TECTA: variants seen among roughly 807,000 people sequenced by gnomAD.
The protein encoded by TECTA is tectorin alpha, also known as alpha-tectorin.
TECTA carries 128 observed loss-of-function variants against 216.8 expected under a neutral mutation model. The ratio of observed to expected loss-of-function variants is 0.59; its 90% confidence interval spans 0.51 to 0.68. The LOEUF is 0.68. Ranked by LOEUF, TECTA falls within the 30% of genes least tolerant of loss-of-function variation. TECTA has a pLI of 0.00. For missense variants in TECTA, 2,551 were observed against 2,786.2 expected, an observed-to-expected ratio of 0.92 and a Z score of 1.90; for synonymous variants, 1,089 against 1,117.1, an observed-to-expected ratio of 0.97 and a Z score of 0.50.
rs189257492 is a variant in TECTA at position 121,142,221 on chromosome 11, T to C, written c.3544-3334T>C. On this transcript the variant is annotated intron_variant, in intron 11 of 23. Coordinates refer to ENST00000392793, the MANE Select transcript of TECTA (RefSeq NM_005422.4). The stretch of plus-strand genomic sequence containing the variant: ...AATATGTGGTCTTATTTCCAATACT[T>C]AAATATTTGAAATACACTTTCCCCC... 7.2e-5 allele frequency among the ~76,000 whole-genome samples: 11 copies of C among 152,286 alleles called. No homozygotes were observed. The East Asian group carries it at 2.1e-3, about 29-fold the overall frequency.
chr11:121,127,629 C>T lies in TECTA; in HGVS notation c.1775-123C>T, dbSNP rs529337686. On this transcript the variant is annotated intron_variant, in intron 8 of 23. Coordinates refer to ENST00000392793, the MANE Select transcript of TECTA (RefSeq NM_005422.4). This position sits in a 1 kb window ranked among gnomAD's most constrained non-coding sequence, Gnocchi z 5.0. ...GATACAACCTCAATTCTGTCTTCCC[C>T]GAGTGGCCGCTTGACCCTCACTCTA... 20 of 1,107,232 alleles carry T rather than the reference C, an allele frequency of 1.8e-5. No individual in the cohort carries two copies. Among genetic ancestry groups the T allele is most frequent in the East Asian group, 4.8e-5 (2 of 42,086 alleles). 68.6% of individuals were successfully genotyped at this position (1,107,232 alleles called of 1,614,324 possible).
intron 23 of TECTA, among the ~76,000 whole-genome samples, chr11:121,190,412 A>T (rs2134218338): frequency 6.6e-6 from 1 of 152,198 alleles, no homozygotes; most frequent in African/African-American, 2.4e-5. Context: ...CTACAGGCAC[A>T]CGCCACCACG....
intron 20 of TECTA, among the ~76,000 whole-genome samples, chr11:121,171,823 A>G (rs962536123): frequency 1.3e-5 from 2 of 152,202 alleles, no homozygotes; most frequent in South Asian, 4.1e-4. Flanking sequence ...TTGAATCTTT[A>G]GGTTTTTCTG....
Position 121,188,108 on chromosome 11 carries a change from G to A in TECTA, c.6162+114G>A. ...GACTGGAATCATCCATAGATGCTTGGGGTGGACAGTCATCTTTGATGGGAC... is the reference window on the plus strand; with the variant it reads ...GACTGGAATCATCCATAGATGCTTGAGGTGGACAGTCATCTTTGATGGGAC... On this transcript the variant is annotated intron_variant, in intron 21 of 23. Coordinates refer to ENST00000392793, the MANE Select transcript of TECTA (RefSeq NM_005422.4). 7 of 1,116,450 alleles carry A rather than the reference G, an allele frequency of 6.3e-6. No homozygotes were observed. The South Asian group carries it at 8.2e-5, about 13-fold the overall frequency. 69.2% of individuals were successfully genotyped at this position (1,116,450 alleles called of 1,614,324 possible). A position where few individuals can be genotyped will look rare whatever the true frequency, so the allele number is the denominator to read the frequency against.
In TECTA at chr11:121,118,585, G is replaced by T. The variant is rs771372991; in HGVS notation, c.1070G>T (p.Ser357Ile). The T allele has an allele frequency of 2.5e-6, 4 of 1,614,026 alleles. No individual in the cohort carries two copies. Among genetic ancestry groups the T allele is most frequent in the African/African-American group, 1.3e-5 (1 of 74,896 alleles). ...LLARQCLQTSSLPFFSVEAKN... is the reference protein window; with the variant it reads ...LLARQCLQTSILPFFSVEAKN... ...GCCCGACAGTGTTTGCAGACTTCCA[G>T]CCTCCCTTTCTTCAGTGTGGAGGCC... The change falls in exon 7 of 24, where the codon AGC becomes ATC. Residue 357 changes from serine to isoleucine, a missense_variant. Physicochemically the swap from Ser to Ile is moderately radical, Grantham distance 142. This residue lies in a region of TECTA where 2,375 missense variants were observed against 2,563.9 expected (regional missense o/e 0.93). Coordinates refer to ENST00000392793, the MANE Select transcript of TECTA (RefSeq NM_005422.4).
At chr11:121,184,437 T>A (rs1947261122) in intron 20 of TECTA, among the ~76,000 whole-genome samples, 1 of 152,168 alleles carries the variant, frequency 6.6e-6, no homozygotes, top group African/African-American at 2.4e-5. Flanking sequence ...TGCTTATCCT[T>A]CATTTGGTGG....
In TECTA at chr11:121,109,300, C is replaced by T. The variant is rs750330420; in HGVS notation, c.288C>T (p.Val96=). 1.3e-5 allele frequency: 21 copies of T among 1,614,170 alleles called. No homozygotes were observed. Among genetic ancestry groups the T allele is most frequent in the East Asian group, 1.1e-4 (5 of 44,884 alleles). The change falls in exon 4 of 24, where the codon GTC becomes GTT. Residue 96 remains valine, a synonymous_variant. Transcript: ENST00000392793. ...SFPLTDGRAF[V]APFWADVHNG... ...CCCTGACAGATGGGAGAGCCTTCGT[C>T]GCCCCATTTTGGGCAGATGTGCACA...
intron 23 of TECTA, 41 bp downstream of exon 23, chr11:121,189,921 C>T (rs541020464): frequency 2.8e-5 from 43 of 1,543,994 alleles, no homozygotes; most frequent in South Asian, 1.6e-4. Context: ...CTGGGAGACA[C>T]GGGAGGTTCT....
At chr11:121,179,974 G>GTTTTTTTT (rs368080288) in intron 20 of TECTA, among the ~76,000 whole-genome samples, 2 of 120,684 alleles carry the variant, frequency 1.7e-5, no homozygotes, top group African/African-American at 3.0e-5. Flanking sequence ...TTGTTTGTTT[G>GTTTTTTTT]TTTTTTTTTT....
intron 10 of TECTA, among the ~76,000 whole-genome samples, chr11:121,133,602 C>T (rs554340669): frequency 5.6e-4 from 85 of 152,302 alleles, no homozygotes; most frequent in Non-Finnish European, 8.7e-4. Context: ...AACACAGCCT[C>T]CCTGCCTTTT....
At chr11:121,172,661 G>T (rs7932356) in intron 20 of TECTA, among the ~76,000 whole-genome samples, 41,120 of 149,692 alleles carry the variant, frequency 0.27, 6,824 homozygotes, top group African/African-American at 0.47. Context: ...ATGTGCATGT[G>T]TCTTTATAGC....
At chr11:121,172,236 G>A (rs1364880578) in intron 20 of TECTA, among the ~76,000 whole-genome samples, 1 of 151,890 alleles carries the variant, frequency 6.6e-6, no homozygotes, top group Non-Finnish European at 1.5e-5. Flanking sequence ...TGTGCACAAT[G>A]TGCAGGTTAG....
rs541457790 is a variant in TECTA at position 121,138,196 on chromosome 11, CAG to C, written c.3543+177_3543+178del. ...TCACTTCATCTTACAGAGAAGGAAACAGAGGCTCAGAGAAAAAAATGATTTGC... is the reference window on the plus strand; with the variant it reads ...TCACTTCATCTTACAGAGAAGGAAACAGGCTCAGAGAAAAAAATGATTTGC... On this transcript the variant is annotated intron_variant, in intron 11 of 23. Coordinates refer to ENST00000392793, the MANE Select transcript of TECTA (RefSeq NM_005422.4). Among the ~76,000 whole-genome samples, 29 of 152,268 alleles carry C rather than the reference CAG, an allele frequency of 1.9e-4. 1 individual carries two copies. The highest frequency in any genetic ancestry group is 6.5e-4 in the African/African-American group (27 of 41,544).
rs764907737 is a variant in TECTA, at chr11:121,162,292, G to A, written c.5194G>A (p.Gly1732Ser). The change falls in exon 16 of 24, where the codon GGC becomes AGC. Residue 1732 changes from glycine (G) to serine (S), a missense_variant. Gly to Ser is a moderately conservative substitution (Grantham distance 56, BLOSUM62 0). Transcript: ENST00000392793. ...CYSHKKFQLC[G>S]SLAAYGEACR... is the part of the protein sequence containing the mutation. ...CAGCCACAAGAAGTTCCAGCTGTGCGGCTCCCTGGCCGCCTACGGGGAGGC... is the reference window on the plus strand; with the variant it reads ...CAGCCACAAGAAGTTCCAGCTGTGCAGCTCCCTGGCCGCCTACGGGGAGGC... 18 of 1,613,518 alleles carry A rather than the reference G, an allele frequency of 1.1e-5. No individual in the cohort carries two copies. Among genetic ancestry groups the A allele is most frequent in the East Asian group, 2.2e-5 (1 of 44,900 alleles).
In TECTA at chr11:121,191,270, C is replaced by T. The variant is rs539425842; in HGVS notation, c.*464C>T. ...AATCTTGCTGGTGTTTGGAAGTGTC[C>T]GATCTACGTTATGCACGTGTTCTGT... is the stretch of plus-strand genomic sequence containing the variant. On this transcript the variant is annotated 3_prime_UTR_variant, in exon 24 of 24. Coordinates refer to ENST00000392793, the MANE Select transcript of TECTA (RefSeq NM_005422.4). 4.3e-5 allele frequency: 11 copies of T among 257,532 alleles called. No individual in the cohort carries two copies. Among genetic ancestry groups the T allele is most frequent in the South Asian group, 3.1e-4 (6 of 19,508 alleles). The allele number at this position is 257,532 out of a possible 1,614,324, so 16.0% of individuals were successfully genotyped here.
intron 13 of TECTA, among the ~76,000 whole-genome samples, chr11:121,155,422 G>A (rs1946931670): frequency 6.6e-6 from 1 of 152,168 alleles, no homozygotes; most frequent in Non-Finnish European, 1.5e-5. Context: ...CAATTTGTGA[G>A]GCTGTTGGCA....
chr11:121,120,705 G>A (rs1480178402), intron 7 of TECTA, among the ~76,000 whole-genome samples: 3 of 152,318 alleles, frequency 2.0e-5, no homozygotes, highest in South Asian at 4.1e-4. Context: ...AGATATACCA[G>A]TAGGACCAAA....
chr11:121,155,694 T>A (rs1946934058), intron 13 of TECTA, among the ~76,000 whole-genome samples: 1 of 152,198 alleles, frequency 6.6e-6, no homozygotes, highest in South Asian at 2.1e-4. Flanking sequence ...GAAAGATCTT[T>A]TCTGGATAAC....
intron 8 of TECTA, 95 bp downstream of exon 8, chr11:121,125,967 T>C: frequency 2.8e-6 from 4 of 1,422,626 alleles, no homozygotes; most frequent in Non-Finnish European, 3.8e-6. Context: ...TTAAGACTTG[T>C]GACCCAAGAA....
Sources: allele counts gnomAD v4.1 joint callset (sites outside exome capture counted in the v4.1 genomes callset), GRCh38; gene constraint gnomAD v4.1.1; regional missense constraint gnomAD v4.1.1; non-coding constraint Gnocchi (gnomAD v3.1); transcripts MANE v1.5; gene names NCBI Gene and HGNC (gene_info 2026-07-23, HGNC 2026-07-21).